Variants in PYM1 observed in about 807,000 individuals in gnomAD.
PYM1 encodes the protein partner of Y14 and mago.
In PYM1, 7 loss-of-function variants were observed where a neutral mutation model predicts 20.7. The ratio of observed to expected loss-of-function variants is 0.34; its 90% CI spans 0.19 to 0.64. PYM1 has a LOEUF of 0.64. PYM1 is among the 30% of genes least tolerant of loss of function. The pLI, the probability that PYM1 is intolerant of heterozygous loss-of-function variation, is 0.74. For synonymous variants in PYM1, 100 were observed against 99.2 expected (o/e 1.01, Z -0.05); for missense variants, 194 against 250.0 (o/e 0.78, Z 1.51).
intron 1 of PYM1, chr12:55,913,995 T>C (rs1169226805): frequency 1.1e-5 from 3 of 278,386 alleles, no homozygotes; most frequent in Non-Finnish European, 2.0e-5. Flanking sequence ...ACTCTTGAAT[T>C]TGGAAAATTG....
rs1224585774 is a variant in PYM1, at chr12:55,903,332, T to C, written c.131+55A>G. ...TGAACTTGTAGGCATAAGGATATTCTATCCTTCTGTAGGGACCCCATCAGA... is the reference window on the plus strand; with the variant it reads ...TGAACTTGTAGGCATAAGGATATTCCATCCTTCTGTAGGGACCCCATCAGA... On this transcript the variant is annotated intron_variant, in intron 2 of 2. Transcript: ENST00000408946. 3 of 1,516,290 alleles carry C rather than the reference T, an allele frequency of 2.0e-6. No individual in the cohort carries two copies. In the Admixed American group the frequency reaches 5.1e-5, roughly 26 times the overall value. 93.9% of individuals were successfully genotyped at this position (1,516,290 alleles called of 1,614,324 possible).
chr12:55,907,011 G>A (rs1882828466), intron 1 of PYM1, among the ~76,000 whole-genome samples: 1 of 151,308 alleles, frequency 6.6e-6, no homozygotes, highest in Non-Finnish European at 1.5e-5. Context: ...TGTGTACAGG[G>A]ACAAAGAAAA....
chr12:55,916,631 T>A (rs965732196), intron 1 of PYM1, among the ~76,000 whole-genome samples: 4 of 151,002 alleles, frequency 2.6e-5, no homozygotes, highest in African/African-American at 9.8e-5. Context: ...AAGCCCCGTC[T>A]CTACTAAAAA....
At chr12:55,904,595 C>CAAAAAAAAAAAAAAAAAAAAAAAAA in intron 1 of PYM1, among the ~76,000 whole-genome samples, 1 of 66,946 alleles carries the variant, frequency 1.5e-5, no homozygotes, top group Non-Finnish European at 2.7e-5. Flanking sequence ...GACTCCATCT[C>CAAAAAAAAAAAAAAAAAAAAAAAAA]AAAAAAAAAA....
At chr12:55,914,166 A>T (rs1882968409) in intron 1 of PYM1, 2 of 617,170 alleles carry the variant, frequency 3.2e-6, no homozygotes, top group African/African-American at 3.7e-5. Flanking sequence ...CTGAAGGTTT[A>T]GGAGGACTAA....
chr12:55,904,997 ATATT>A (rs548083925), intron 1 of PYM1, among the ~76,000 whole-genome samples: 7 of 151,212 alleles, frequency 4.6e-5, no homozygotes, highest in Non-Finnish European at 8.8e-5. Flanking sequence ...ATATTTATTT[ATATT>A]TATTTATTTA....
At chr12:55,911,960 T>C (rs974706047) in intron 1 of PYM1, among the ~76,000 whole-genome samples, 3 of 151,990 alleles carry the variant, frequency 2.0e-5, no homozygotes, top group African/African-American at 7.2e-5. Flanking sequence ...TTTGGCAAGA[T>C]AAAAAAAGTC....
chr12:55,922,445 C>CAAAAAAAA (rs56355933), intron 1 of PYM1, among the ~76,000 whole-genome samples: 2 of 86,214 alleles, frequency 2.3e-5, no homozygotes, highest in Non-Finnish European at 4.3e-5. Context: ...CCATCTTTAC[C>CAAAAAAAA]AAAAAAAAAA....
chr12:55,904,595 C>CAAAAAAAAAAAAAAAAAAAAA (rs57817659), intron 1 of PYM1, among the ~76,000 whole-genome samples: 1 of 66,946 alleles, frequency 1.5e-5, no homozygotes, highest in Non-Finnish European at 2.7e-5. Context: ...GACTCCATCT[C>CAAAAAAAAAAAAAAAAAAAAA]AAAAAAAAAA....
chr12:55,905,934 A>AGATATATATAATAATATATATATCTAT (rs1565714530), intron 1 of PYM1, among the ~76,000 whole-genome samples: 8 of 70,238 alleles, frequency 1.1e-4, no homozygotes, highest in South Asian at 3.8e-4. Flanking sequence ...TATATATCTA[A>AGATATATATAATAATATATATATCTAT]TAGATATATA....
chr12:55,901,805 G>T lies in PYM1; in HGVS notation c.*67C>A. 2 of 1,528,738 alleles carry T rather than the reference G, an allele frequency of 1.3e-6. No homozygotes were observed. Among genetic ancestry groups the T allele is most frequent in the Non-Finnish European group, 1.8e-6 (2 of 1,142,842 alleles). 94.7% of individuals were successfully genotyped at this position (1,528,738 alleles called of 1,614,324 possible). On this transcript the variant is annotated 3_prime_UTR_variant, in exon 3 of 3. Coordinates refer to ENST00000408946, the MANE Select transcript of PYM1 (RefSeq NM_032345.3). ...GTACCCCTCCTGACTGCTGTTGCCC[G>T]TATTCCCCCAGACCCCAGAGAGCCC...
intron 1 of PYM1, chr12:55,927,513 C>T (rs887427160): frequency 2.9e-6 from 2 of 692,322 alleles, no homozygotes; most frequent in Non-Finnish European, 4.9e-6. Context: ...GGCCTGCACC[C>T]AGATCTCAGA....
At position 55,902,158 on chromosome 12, in the gene PYM1, C is replaced by T. The variant is rs376008650; in HGVS notation, c.329G>A (p.Ser110Asn). Reference sequence around the variant, plus strand: ...CAGGGACACCTTATCAAGAGTCCTGCTCAAGGCCTCTGCCTCTCCTTTCTC... The same window carrying T: ...CAGGGACACCTTATCAAGAGTCCTGTTCAAGGCCTCTGCCTCTCCTTTCTC... The part of the protein sequence containing the change: ...QQEKGEAEAL[S>N]RTLDKVSLEE... Residue 110 changes from serine to asparagine, a missense_variant, in exon 3 of 3, where the codon AGC becomes AAC. Physicochemically the swap from Ser to Asn is conservative, Grantham distance 46. Transcript: ENST00000408946. The T allele has an allele frequency of 1.9e-6, 3 of 1,614,132 alleles. No individual in the cohort carries two copies. The highest frequency in any genetic ancestry group is 1.7e-5 in the Admixed American group (1 of 59,992).
chr12:55,923,131 G>A lies in PYM1; in HGVS notation c.37+4594C>T, dbSNP rs556756370. On this transcript the variant is annotated intron_variant, in intron 1 of 2. Transcript: ENST00000408946. ...CCCAGCTACCCAGGAGGCTGAGGCA[G>A]GAGAATCACTTGAACCCGGGAGGCA... Among the ~76,000 whole-genome samples, 37 of 152,258 alleles carry A rather than the reference G, an allele frequency of 2.4e-4. 1 individual carries two copies. In the South Asian group the frequency reaches 7.5e-3, roughly 31 times the overall value.
At chr12:55,904,595 C>CAAAAAAAAA (rs57817659) in intron 1 of PYM1, among the ~76,000 whole-genome samples, 12 of 66,968 alleles carry the variant, frequency 1.8e-4, no homozygotes, top group Middle Eastern at 0.013. Flanking sequence ...GACTCCATCT[C>CAAAAAAAAA]AAAAAAAAAA....
At chr12:55,904,024 A>G (rs912652005) in intron 1 of PYM1, among the ~76,000 whole-genome samples, 5 of 152,052 alleles carry the variant, frequency 3.3e-5, no homozygotes, top group Non-Finnish European at 4.4e-5. Flanking sequence ...GCTGGAGTGC[A>G]GTGGTGCAAT....
rs146891144 is a variant in PYM1, at chr12:55,906,404, G to T, written c.38-2924C>A. ...AGTGTGTGGCAGTGAAGAACAAAAT[G>T]ATTAGTATAATTTGGTGCCACTGCC... On this transcript the variant is annotated intron_variant, in intron 1 of 2. Transcript: ENST00000408946. Among the ~76,000 whole-genome samples, 725 of 152,164 alleles carry T rather than the reference G, an allele frequency of 4.8e-3. 7 individuals carry two copies. Among genetic ancestry groups the T allele is most frequent in the African/African-American group, 0.015 (629 of 41,520 alleles).
intron 1 of PYM1, among the ~76,000 whole-genome samples, chr12:55,905,971 ATATAT>A (rs1882807766): frequency 7.8e-6 from 1 of 128,356 alleles, no homozygotes; most frequent in Non-Finnish European, 1.6e-5. Flanking sequence ...TAATAGATAT[ATATAT>A]TATTATATAT....
intron 1 of PYM1, among the ~76,000 whole-genome samples, chr12:55,910,268 T>C (rs1592637281): frequency 7.5e-6 from 1 of 133,320 alleles, no homozygotes; most frequent in African/African-American, 3.4e-5. Flanking sequence ...TATATATATA[T>C]ATATATATAT....
Sources: gnomAD v4.1 joint callset for allele counts (sites outside exome capture counted in the v4.1 genomes callset) on GRCh38, gnomAD v4.1.1 for gene constraint, MANE v1.5 for transcripts, NCBI Gene and HGNC (gene_info 2026-07-23, HGNC 2026-07-21) for gene names.